ZNF682: variants seen among roughly 807,000 people sequenced by gnomAD.
ZNF682 encodes the protein zinc finger protein 682.
In ZNF682, 29 loss-of-function variants were observed where a neutral mutation model predicts 36.5. That is an observed-to-expected ratio of 0.80 (90% confidence interval 0.59 to 1.08). ZNF682 has a LOEUF of 1.08. ZNF682 is among the 50% of genes least tolerant of loss of function. The probability of loss-of-function intolerance (pLI) is 0.00; values close to 1 mark genes in which losing one functional copy is unlikely to be tolerated. For missense variants in ZNF682, 561 were observed against 579.7 expected, an observed-to-expected ratio of 0.97 and a Z score of 0.33; for synonymous variants, 180 against 197.0, an observed-to-expected ratio of 0.91 and a Z score of 0.72.
rs2122404339 is a variant in ZNF682, at chr19:20,039,478, TG to T, written c.-134del. On this transcript the variant is annotated 5_prime_UTR_variant, in exon 1 of 4. Transcript: ENST00000397165. ...GATACTAAGCAATGAAGATGGACCC[TG>T]AGCTCTGGCTGGAGCGAGACAAAGG... 1 of 1,261,586 alleles carries T rather than the reference TG, an allele frequency of 7.9e-7. No homozygotes were observed. The highest frequency in any genetic ancestry group is 1.5e-5 in the African/African-American group (1 of 67,844). 78.1% of individuals were successfully genotyped at this position (1,261,586 alleles called of 1,614,324 possible).
At chr19:20,015,429 G>C in intron 3 of ZNF682, 2 of 981,418 alleles carry the variant, frequency 2.0e-6, no homozygotes, top group Non-Finnish European at 1.2e-6. Context: ...GTCTTAAAAT[G>C]TACAGAGCTG....
At chr19:20,024,397 T>C (rs1339134413) in intron 1 of ZNF682, 21 bp from the exon 2 acceptor site, 2 of 1,599,596 alleles carry the variant, frequency 1.3e-6, no homozygotes, top group East Asian at 4.5e-5. Flanking sequence ...AAACAAAACA[T>C]AGTGACCAAC....
chr19:20,003,648 T>C (rs1281422211), downstream of ZNF682, among the ~76,000 whole-genome samples: 1 of 150,238 alleles, frequency 6.7e-6, no homozygotes, highest in African/African-American at 2.5e-5. Flanking sequence ...GAGCTTGCAG[T>C]GAGCAGAGAT....
At chr19:20,017,048 A>ATT (rs2088340432) in intron 3 of ZNF682, among the ~76,000 whole-genome samples, 1 of 152,178 alleles carries the variant, frequency 6.6e-6, no homozygotes, top group Non-Finnish European at 1.5e-5. Context: ...AGGTGATCAC[A>ATT]AAAATACCTA....
intron 3 of ZNF682, among the ~76,000 whole-genome samples, chr19:20,021,607 TAATA>T (rs1405921979): frequency 6.6e-6 from 1 of 152,208 alleles, no homozygotes; most frequent in Non-Finnish European, 1.5e-5. Flanking sequence ...ACACTTTACA[TAATA>T]AATAGTTATA....
intron 1 of ZNF682, among the ~76,000 whole-genome samples, chr19:20,036,880 G>A (rs1432745444): frequency 1.3e-5 from 2 of 151,406 alleles, no homozygotes; most frequent in Non-Finnish European, 2.9e-5. Flanking sequence ...AGGTAACTGG[G>A]AGGCTGAGGT....
rs61022181 is a variant in ZNF682 at position 20,028,213 on chromosome 19, G to GGTTT, written c.4-3841_4-3838dup. Among the ~76,000 whole-genome samples the GGTTT allele has an allele frequency of 4.6e-5, 7 of 151,514 alleles. No individual in the cohort carries two copies. The East Asian group carries it at 5.9e-4, about 13-fold the overall frequency. ...AGCCCCAGACTAATTTGATTCTGCA[G>GGTTT]GTTTGTTTGTTTGAGACAGAGTCTT... On this transcript the variant is annotated intron_variant, in intron 1 of 3. Coordinates refer to ENST00000397165, the MANE Select transcript of ZNF682 (RefSeq NM_033196.3).
At chr19:20,013,463 G>A (rs1478757400) in intron 3 of ZNF682, among the ~76,000 whole-genome samples, 1 of 152,056 alleles carries the variant, frequency 6.6e-6, no homozygotes, top group Non-Finnish European at 1.5e-5. Context: ...GGACTTCAAA[G>A]CACTCTAAAA....
At chr19:20,016,468 G>A (rs1169480343) in intron 3 of ZNF682, among the ~76,000 whole-genome samples, 3 of 151,856 alleles carry the variant, frequency 2.0e-5, no homozygotes, top group Non-Finnish European at 2.9e-5. Context: ...AGTGCATGAG[G>A]AAATGATATA....
chr19:20,035,557 G>T (rs1319239093), intron 1 of ZNF682, among the ~76,000 whole-genome samples: 1 of 151,800 alleles, frequency 6.6e-6, no homozygotes, highest in Non-Finnish European at 1.5e-5. Context: ...AAATATCTTA[G>T]GATAAACAAT....
chr19:20,031,437 C>T (rs990947530), intron 1 of ZNF682, among the ~76,000 whole-genome samples: 1 of 152,158 alleles, frequency 6.6e-6, no homozygotes, highest in Non-Finnish European at 1.5e-5. Context: ...TCTAAAATGT[C>T]GATGTTGACC....
At chr19:20,021,803 T>A (rs1261720821) in intron 3 of ZNF682, among the ~76,000 whole-genome samples, 1 of 152,156 alleles carries the variant, frequency 6.6e-6, no homozygotes, top group Non-Finnish European at 1.5e-5. Flanking sequence ...ACATTAGATT[T>A]TCTTATATTT....
At chr19:20,032,230 T>C (rs1386222443) in intron 1 of ZNF682, among the ~76,000 whole-genome samples, 1 of 152,218 alleles carries the variant, frequency 6.6e-6, no homozygotes, top group East Asian at 1.9e-4. Flanking sequence ...TATGGGAAAG[T>C]AGCAGGTGCC....
In ZNF682 at chr19:20,039,443, T is replaced by G; in HGVS notation, c.-98A>C. Reference sequence around the variant, plus strand: ...GGCTGCGACAGTCACCGGGAACTACTAGAGCAGAGGATACTAAGCAATGAA... The same window carrying G: ...GGCTGCGACAGTCACCGGGAACTACGAGAGCAGAGGATACTAAGCAATGAA... On this transcript the variant is annotated 5_prime_UTR_variant, in exon 1 of 4. Transcript: ENST00000397165. 1 of 1,515,512 alleles carries G rather than the reference T, an allele frequency of 6.6e-7. No individual in the cohort carries two copies. The allele number at this position is 1,515,512 out of a possible 1,614,324, so 93.9% of individuals were successfully genotyped here. A position where few individuals can be genotyped will look rare whatever the true frequency, so the allele number is the denominator to read the frequency against.
At chr19:20,012,033 T>A (rs1404075706) in intron 3 of ZNF682, among the ~76,000 whole-genome samples, 1 of 151,402 alleles carries the variant, frequency 6.6e-6, no homozygotes. Context: ...TGAGACTCCA[T>A]CTCAAAATAA....
At chr19:20,036,664 G>C (rs932427801) in intron 1 of ZNF682, among the ~76,000 whole-genome samples, 1 of 149,948 alleles carries the variant, frequency 6.7e-6, no homozygotes, top group Non-Finnish European at 1.5e-5. Context: ...AGAGAAAAAA[G>C]GTACATATAA....
chr19:20,017,273 C>G (rs1362237218), intron 3 of ZNF682, among the ~76,000 whole-genome samples: 1 of 152,070 alleles, frequency 6.6e-6, no homozygotes, highest in Non-Finnish European at 1.5e-5. Context: ...AGTAAAATAG[C>G]TGAATGAGTT....
intron 3 of ZNF682, among the ~76,000 whole-genome samples, chr19:20,017,036 C>G (rs2088340307): frequency 6.6e-6 from 1 of 151,814 alleles, no homozygotes; most frequent in South Asian, 2.1e-4. Context: ...TCTCATTTTT[C>G]AAGGTGATCA....
At chr19:20,003,239 A>C (rs1366044247), downstream of ZNF682, among the ~76,000 whole-genome samples, 1 of 150,442 alleles carries the variant, frequency 6.6e-6, no homozygotes, top group African/African-American at 2.4e-5. Flanking sequence ...GCAACAAAGG[A>C]AAGATTGGCT....
Sources: gnomAD v4.1 joint callset for allele counts (sites outside exome capture counted in the v4.1 genomes callset) on GRCh38, gnomAD v4.1.1 for gene constraint, MANE v1.5 for transcripts, NCBI Gene and HGNC (gene_info 2026-07-23, HGNC 2026-07-21) for gene names.